Variants in PGBD5 observed in about 807,000 individuals in gnomAD.
The protein encoded by PGBD5 is piggyBac transposable element-derived protein 5.
In PGBD5, 14 loss-of-function variants were observed where a neutral mutation model predicts 47.9. The ratio of observed to expected loss-of-function variants is 0.29; its 90% confidence interval spans 0.19 to 0.46. The LOEUF is 0.46. Among genes scored for constraint, PGBD5 ranks in the 20% least tolerant of loss-of-function variants. The pLI, the probability that PGBD5 is intolerant of heterozygous loss-of-function variation, is 1.00. For missense variants in PGBD5, 635 were observed against 716.0 expected (o/e 0.89, Z 1.29); for synonymous variants, 316 against 306.3 (o/e 1.03, Z -0.33).
At chr1:230,377,777 G>A (rs898008904) in intron 1 of PGBD5, 19 of 1,238,188 alleles carry the variant, frequency 1.5e-5, no homozygotes, top group Admixed American at 1.4e-4. Context: ...TGCAGCATCC[G>A]GCTCATACAT....
chr1:230,325,322 T>G lies in PGBD5; in HGVS notation c.1367A>C (p.Asp456Ala), dbSNP rs1667098052. The G allele has an allele frequency of 6.2e-7, 1 of 1,612,798 alleles. No individual in the cohort carries two copies. The change falls in exon 6 of 7, where the codon GAC (aspartate) becomes GCC (alanine). Residue 456 changes from aspartate to alanine, a missense_variant. By Grantham distance (126) the Asp-to-Ala change is moderately radical. Transcript: ENST00000391860. ...AHLSYICRYD[D>A]KYSKYFISHK... Reference sequence around the variant, plus strand: ...CCCAGCCACTTACTTGCTGTATTTGTCATCGTATCTGCAGATGTAGCTCAG... The same window carrying G: ...CCCAGCCACTTACTTGCTGTATTTGGCATCGTATCTGCAGATGTAGCTCAG...
Position 230,399,242 on chromosome 1 carries a change from T to C in PGBD5, c.331+26356A>G, listed in dbSNP as rs188963485. ...CCGGCAAGCTTAAGCTGAACAATTA[T>C]TGTATATCTGAAATCTAAATTTTAC... is the stretch of plus-strand genomic sequence containing the variant. On this transcript the variant is annotated intron_variant, in intron 1 of 6. Coordinates refer to ENST00000391860, the MANE Select transcript of PGBD5 (RefSeq NM_001258311.2). Among the ~76,000 whole-genome samples the C allele has an allele frequency of 3.9e-5, 6 of 152,356 alleles. No homozygotes were observed. In the East Asian group the frequency reaches 1.2e-3, roughly 29 times the overall value.
rs1385967085 is a variant in PGBD5 at position 230,426,315 on chromosome 1, C to T, written c.-387G>A. The T allele has an allele frequency of 2.0e-5, 3 of 148,894 alleles. No individual in the cohort carries two copies. Among genetic ancestry groups the T allele is most frequent in the African/African-American group, 7.3e-5 (3 of 41,066 alleles). The allele number at this position is 148,894 out of a possible 1,614,324, so 9.2% of individuals were successfully genotyped here. On this transcript the variant is annotated 5_prime_UTR_variant, in exon 1 of 7. Coordinates refer to ENST00000391860, the MANE Select transcript of PGBD5 (RefSeq NM_001258311.2). The stretch of plus-strand genomic sequence containing the variant: ...CCTCCCTGCCCGCCCTCTCCACGGC[C>T]TCCGGCGCTCGGCTGCCGACCTTCC...
At chr1:230,391,794 T>C (rs1002170757) in intron 1 of PGBD5, among the ~76,000 whole-genome samples, 3 of 152,206 alleles carry the variant, frequency 2.0e-5, no homozygotes, top group Non-Finnish European at 2.9e-5. Context: ...AGAGACTTTA[T>C]AATTATTAAG....
At chr1:230,341,386 C>G (rs1667405853) in intron 3 of PGBD5, among the ~76,000 whole-genome samples, 2 of 152,168 alleles carry the variant, frequency 1.3e-5, no homozygotes, top group Non-Finnish European at 2.9e-5. Context: ...ACTTGTTTCC[C>G]TTAGCTGGAT....
rs149873755 is a variant in PGBD5, at chr1:230,409,427, A to T, written c.331+16171T>A. On this transcript the variant is annotated intron_variant, in intron 1 of 6. Transcript: ENST00000391860. Reference sequence around the variant, plus strand: ...GTACATAAAGGTTTTGCCATTATTCATAATAGCCAATAGGTGAAAACAACC... The same window carrying T: ...GTACATAAAGGTTTTGCCATTATTCTTAATAGCCAATAGGTGAAAACAACC... 7.9e-3 allele frequency among the ~76,000 whole-genome samples: 1,211 copies of T among 152,372 alleles called. 8 individuals are homozygous for T. Among genetic ancestry groups the T allele is most frequent in the Non-Finnish European group, 0.013 (859 of 68,028 alleles).
At chr1:230,334,814 G>GA (rs771180227) in intron 4 of PGBD5, among the ~76,000 whole-genome samples, 19 of 152,042 alleles carry the variant, frequency 1.2e-4, no homozygotes, top group Admixed American at 2.0e-4. Flanking sequence ...ACCTTCTCTT[G>GA]AAAAAAATCC....
intron 1 of PGBD5, among the ~76,000 whole-genome samples, chr1:230,379,681 G>T (rs1343902272): frequency 2.0e-5 from 3 of 152,214 alleles, no homozygotes; most frequent in Non-Finnish European, 2.9e-5. Flanking sequence ...CAACTAGCCT[G>T]TTGGCACCCC....
At position 230,325,419 on chromosome 1, in the gene PGBD5, A is replaced by G. The variant is rs767716983; in HGVS notation, c.1274-4T>C. ...CTCTTCCTTTTGATGATGACTCCTGAAGGCGAGAGACAAGATAAGCCCCTT... is the reference window on the plus strand; with the variant it reads ...CTCTTCCTTTTGATGATGACTCCTGGAGGCGAGAGACAAGATAAGCCCCTT... On this transcript the variant is annotated splice_region_variant and splice_polypyrimidine_tract_variant and intron_variant, in intron 5 of 6. Transcript: ENST00000391860. 9.9e-6 allele frequency: 16 copies of G among 1,608,546 alleles called. No homozygotes were observed. Among genetic ancestry groups the G allele is most frequent in the Middle Eastern group, 3.3e-4 (2 of 6,066 alleles).
chr1:230,388,103 A>G (rs1315188907), intron 1 of PGBD5, among the ~76,000 whole-genome samples: 3 of 152,200 alleles, frequency 2.0e-5, no homozygotes, highest in Non-Finnish European at 4.4e-5. Flanking sequence ...TGAAATGTGC[A>G]TCCCTGCTCT....
At chr1:230,326,711 T>C (rs140973610) in intron 5 of PGBD5, among the ~76,000 whole-genome samples, 6 of 152,250 alleles carry the variant, frequency 3.9e-5, no homozygotes, top group African/African-American at 1.4e-4. Context: ...CCTGGCCTTA[T>C]GTGATCCTCT....
At chr1:230,404,965 C>G (rs964516594) in intron 1 of PGBD5, among the ~76,000 whole-genome samples, 1 of 146,524 alleles carries the variant, frequency 6.8e-6, no homozygotes, top group Non-Finnish European at 1.5e-5. Context: ...CAAGGTATCA[C>G]TCAGCTATCA....
chr1:230,417,978 T>G (rs558520850), intron 1 of PGBD5, among the ~76,000 whole-genome samples: 2 of 152,176 alleles, frequency 1.3e-5, no homozygotes, highest in South Asian at 2.1e-4. Context: ...CAGGGGACAT[T>G]TGGCAATGTC....
chr1:230,370,305 G>A (rs529497026), intron 1 of PGBD5, among the ~76,000 whole-genome samples: 4 of 152,310 alleles, frequency 2.6e-5, no homozygotes, highest in South Asian at 2.1e-4. Flanking sequence ...TCAGCGCTGC[G>A]GTTCGTGAGC....
chr1:230,338,870 G>A (rs946038232), intron 3 of PGBD5, among the ~76,000 whole-genome samples: 13 of 152,222 alleles, frequency 8.5e-5, no homozygotes, highest in African/African-American at 3.1e-4. Flanking sequence ...TTGAAGCTGC[G>A]TCCCTCTTGT....
rs561857526 is a variant in PGBD5 at position 230,336,959 on chromosome 1, C to T, written c.1075+149G>A. 4.9e-5 allele frequency: 42 copies of T among 858,536 alleles called. No homozygotes were observed. The African/African-American group carries it at 5.2e-4, about 11-fold the overall frequency. The allele number at this position is 858,536 out of a possible 1,614,324, so 53.2% of individuals were successfully genotyped here. A position where few individuals can be genotyped will look rare whatever the true frequency, so the allele number is the denominator to read the frequency against. On this transcript the variant is annotated intron_variant, in intron 4 of 6. Transcript: ENST00000391860. Reference sequence around the variant, plus strand: ...GATCCAGCACACAGGGTGGCTGAGACGCATCTGTTCCCTCAAGGAAGGGCC... The same window carrying T: ...GATCCAGCACACAGGGTGGCTGAGATGCATCTGTTCCCTCAAGGAAGGGCC...
chr1:230,416,114 C>T (rs1461149992), intron 1 of PGBD5, among the ~76,000 whole-genome samples: 1 of 152,158 alleles, frequency 6.6e-6, no homozygotes, highest in Non-Finnish European at 1.5e-5. Flanking sequence ...AGATTCCTGC[C>T]TATCTTGGGT....
Position 230,315,980 on chromosome 1 carries a change from ATG to A in PGBD5, c.*7443_*7444del, listed in dbSNP as rs765764847. ...TAAGTATATGTGTACACATATATGTATGTGTATACATACATAAGTATATGTGT... is the reference window on the plus strand; with the variant it reads ...TAAGTATATGTGTACACATATATGTATGTATACATACATAAGTATATGTGT... On this transcript the variant is annotated 3_prime_UTR_variant, in exon 7 of 7. Coordinates refer to ENST00000391860, the MANE Select transcript of PGBD5 (RefSeq NM_001258311.2). 7.6e-5 allele frequency: 11 copies of A among 145,040 alleles called. 2 individuals carry two copies. The highest frequency in any genetic ancestry group is 1.4e-4 in the Non-Finnish European group (9 of 65,262). The allele number at this position is 145,040 out of a possible 1,614,324, so 9.0% of individuals were successfully genotyped here.
intron 3 of PGBD5, among the ~76,000 whole-genome samples, chr1:230,349,006 A>C (rs1272696997): frequency 6.6e-6 from 1 of 152,240 alleles, no homozygotes. Context: ...ACCTCCTAGA[A>C]TCAAGAGTTT....
Sources: gnomAD v4.1 joint callset for allele counts (sites outside exome capture counted in the v4.1 genomes callset) on GRCh38, gnomAD v4.1.1 for gene constraint, MANE v1.5 for transcripts, NCBI Gene and HGNC (gene_info 2026-07-23, HGNC 2026-07-21) for gene names.